Variants in USPL1 observed in about 807,000 individuals in gnomAD.
The protein encoded by USPL1 is SUMO-specific isopeptidase USPL1.
Under a neutral mutation model 51.5 loss-of-function variants are expected in USPL1, and 27 were observed. That is an observed-to-expected ratio of 0.52 (90% confidence interval 0.39 to 0.72). The LOEUF (loss-of-function observed/expected upper bound fraction) is 0.72, where lower values mean the gene tolerates loss of function less well. USPL1 is among the 30% of genes least tolerant of loss of function. USPL1 has a pLI of 0.00. For missense variants in USPL1, 1,226 were observed against 1,268.0 expected (o/e 0.97, Z 0.50); for synonymous variants, 451 against 459.6 (o/e 0.98, Z 0.24).
At chr13:30,647,473 A>G (rs879408379) in intron 7 of USPL1, among the ~76,000 whole-genome samples, 4 of 152,144 alleles carry the variant, frequency 2.6e-5, no homozygotes, top group Non-Finnish European at 5.9e-5. Context: ...AGATCTCAGC[A>G]TGCTAATTCC....
rs869216850 is a variant in USPL1, at chr13:30,639,244, A to ATATG, written c.982+1388_982+1389insATGT. Among the ~76,000 whole-genome samples the ATATG allele has an allele frequency of 5.4e-4, 80 of 148,324 alleles. No individual in the cohort carries two copies. The South Asian group carries it at 5.8e-3, about 11-fold the overall frequency. On this transcript the variant is annotated intron_variant, in intron 5 of 8. Coordinates refer to ENST00000255304, the MANE Select transcript of USPL1 (RefSeq NM_005800.5). ...AATGTATATATATATATATATATAT[A>ATATG]TGTGTGTATGTGTGTGTATGTGCGT...
At chr13:30,649,491 T>C (rs1951060914) in intron 7 of USPL1, among the ~76,000 whole-genome samples, 1 of 152,234 alleles carries the variant, frequency 6.6e-6, no homozygotes, top group African/African-American at 2.4e-5. Context: ...TGTCTCCCCA[T>C]TGGGAAAAGA....
At chr13:30,630,041 A>G (rs1434985550) in intron 3 of USPL1, among the ~76,000 whole-genome samples, 2 of 152,004 alleles carry the variant, frequency 1.3e-5, no homozygotes, top group Admixed American at 1.3e-4. Flanking sequence ...GAGTGGGGCA[A>G]TCATAGCTCA....
intron 3 of USPL1, among the ~76,000 whole-genome samples, chr13:30,626,350 C>G (rs1366077914): frequency 6.9e-6 from 1 of 144,538 alleles, no homozygotes; most frequent in African/African-American, 2.5e-5. Context: ...ATAAATAAAT[C>G]AAAAGAAGAA....
At position 30,631,224 on chromosome 13, in the gene USPL1, T is replaced by G; in HGVS notation, c.618T>G (p.Cys206Trp). The G allele has an allele frequency of 6.2e-7, 1 of 1,614,188 alleles. No homozygotes were observed. The highest frequency in any genetic ancestry group is 8.5e-7 in the Non-Finnish European group (1 of 1,180,036). The change falls in exon 4 of 9, where the codon TGT (cysteine) becomes TGG (tryptophan). Residue 206 changes from cysteine (C) to tryptophan (W), a missense_variant. Coordinates refer to ENST00000255304, the MANE Select transcript of USPL1 (RefSeq NM_005800.5). ...TGRPSPQNEG[C>W]TSKLEMPLES... ...GACCTTCCCCTCAAAATGAAGGATGTACATCTAAACTGGAAATGCCACTGG... is the reference window on the plus strand; with the variant it reads ...GACCTTCCCCTCAAAATGAAGGATGGACATCTAAACTGGAAATGCCACTGG...
intron 5 of USPL1, among the ~76,000 whole-genome samples, chr13:30,639,659 G>A (rs1480520397): frequency 1.3e-5 from 2 of 152,038 alleles, no homozygotes; most frequent in Non-Finnish European, 2.9e-5. Context: ...TCAAGATATA[G>A]GACTCTGTCA....
intron 1 of USPL1, among the ~76,000 whole-genome samples, chr13:30,618,486 G>A (rs1280644798): frequency 6.6e-6 from 1 of 151,916 alleles, no homozygotes; most frequent in East Asian, 1.9e-4. Context: ...TTCACGTGCC[G>A]AGCCTACTCG....
chr13:30,631,611 C>G, intron 4 of USPL1, 137 bp downstream of exon 4: 2 of 774,482 alleles, frequency 2.6e-6, no homozygotes, highest in South Asian at 3.9e-5. Flanking sequence ...GGTGGGCCTC[C>G]CACCTCAGTC....
chr13:30,628,635 G>A (rs565454328), intron 3 of USPL1, among the ~76,000 whole-genome samples: 27 of 152,242 alleles, frequency 1.8e-4, no homozygotes, highest in African/African-American at 6.5e-4. Flanking sequence ...GAGAACATGC[G>A]GTGTTTGGTT....
In USPL1 at chr13:30,659,454, C is replaced by A; in HGVS notation, c.*98C>A. The stretch of plus-strand genomic sequence containing the variant: ...TTTATACACTGGACTTGTGTAATTA[C>A]TTGTGTAATAACCATGAACAAAATG... On this transcript the variant is annotated 3_prime_UTR_variant, in exon 9 of 9. Transcript: ENST00000255304. The A allele has an allele frequency of 9.0e-7, 1 of 1,110,410 alleles. No homozygotes were observed. The highest frequency in any genetic ancestry group is 1.2e-6 in the Non-Finnish European group (1 of 809,914). The allele number at this position is 1,110,410 out of a possible 1,614,324, so 68.8% of individuals were successfully genotyped here. A position where few individuals can be genotyped will look rare whatever the true frequency, so the allele number is the denominator to read the frequency against.
rs772490452 is a variant in USPL1, at chr13:30,659,385, ATATT to A, written c.*34_*37del. 77 of 1,473,878 alleles carry A rather than the reference ATATT, an allele frequency of 5.2e-5. No homozygotes were observed. The highest frequency in any genetic ancestry group is 1.1e-4 in the South Asian group (8 of 71,404). The allele number at this position is 1,473,878 out of a possible 1,614,324, so 91.3% of individuals were successfully genotyped here. A position where few individuals can be genotyped will look rare whatever the true frequency, so the allele number is the denominator to read the frequency against. ...AATGCTTGTTAACTTTTTTCATATA[ATATT>A]TATTATTATTAGAAGAACTTACAAT... On this transcript the variant is annotated 3_prime_UTR_variant, in exon 9 of 9. Coordinates refer to ENST00000255304, the MANE Select transcript of USPL1 (RefSeq NM_005800.5).
chr13:30,640,999 G>A (rs1262954650), intron 5 of USPL1, among the ~76,000 whole-genome samples: 3 of 152,180 alleles, frequency 2.0e-5, no homozygotes, highest in Admixed American at 6.5e-5. Flanking sequence ...TAAATATGTA[G>A]GCTGGTGTTC....
chr13:30,645,422 A>G (rs965752859), intron 6 of USPL1, among the ~76,000 whole-genome samples: 5 of 152,188 alleles, frequency 3.3e-5, no homozygotes, highest in African/African-American at 1.2e-4. Flanking sequence ...TGAATGCAAG[A>G]TGTTAAATGC....
chr13:30,657,253 GGATAAATTAGGT>G (rs1951176194), intron 8 of USPL1, among the ~76,000 whole-genome samples: 1 of 152,078 alleles, frequency 6.6e-6, no homozygotes, highest in East Asian at 1.9e-4. Context: ...TGATGTTATT[GGATAAATTAGGT>G]GATAACCAAA....
At chr13:30,650,699 A>G (rs748550875) in intron 7 of USPL1, among the ~76,000 whole-genome samples, 1 of 152,132 alleles carries the variant, frequency 6.6e-6, no homozygotes, top group Non-Finnish European at 1.5e-5. Context: ...GGCATTTGGA[A>G]CTTACAAAGT....
Position 30,658,372 on chromosome 13 carries a change from C to G in USPL1, c.2295C>G (p.Ser765Arg). 1 of 1,613,640 alleles carries G rather than the reference C, an allele frequency of 6.2e-7. No homozygotes were observed. The highest frequency in any genetic ancestry group is 8.5e-7 in the Non-Finnish European group (1 of 1,180,004). ...GAAGTTGGGTTAAAGGCTTAATAAG[C>G]AGGGGTGCTTCTTTTATGCCACTCT... ...FVGSWVKGLI[S>R]RGASFMPLCV... Residue 765 changes from serine (S) to arginine (R), a missense_variant, in exon 9 of 9, where the codon AGC becomes AGG. By Grantham distance (110) the Ser-to-Arg change is moderately radical. Transcript: ENST00000255304.
chr13:30,646,582 C>A (rs562577996), intron 6 of USPL1, among the ~76,000 whole-genome samples: 1 of 152,198 alleles, frequency 6.6e-6, no homozygotes, highest in Non-Finnish European at 1.5e-5. Context: ...AACTGGATGC[C>A]GTTACTGGCA....
rs201961890 is a variant in USPL1 at position 30,657,966 on chromosome 13, C to T, written c.1889C>T (p.Ser630Leu). The stretch of plus-strand genomic sequence containing the variant: ...ACCAATACTTTGCTATCACAAGAAT[C>T]ACTAATGGCTTCTTCAGTATCAGCT... ...LKTNTLLSQE[S>L]LMASSVSAPC... Residue 630 changes from serine (S) to leucine (L), a missense_variant, in exon 9 of 9, where the codon TCA (serine) becomes TTA (leucine). Physicochemically the swap from Ser to Leu is moderately radical, Grantham distance 145 (BLOSUM62 -2). Transcript: ENST00000255304. 2 of 1,613,616 alleles carry T rather than the reference C, an allele frequency of 1.2e-6. No homozygotes were observed. The highest frequency in any genetic ancestry group is 3.3e-5 in the Admixed American group (2 of 60,030).
rs1417386329 is a variant in USPL1 at position 30,658,163 on chromosome 13, A to G, written c.2086A>G (p.Ile696Val). Reference sequence around the variant, plus strand: ...TATACAGGGAGTGAAGTCAGTAGAAATTGAGAAGGACGCTCAGTTAAAACA... The same window carrying G: ...TATACAGGGAGTGAAGTCAGTAGAAGTTGAGAAGGACGCTCAGTTAAAACA... The part of the protein sequence containing the change: ...GLIQGVKSVE[I>V]EKDAQLKQFL... Residue 696 changes from isoleucine (I) to valine (V), a missense_variant, in exon 9 of 9, where the codon ATT (isoleucine) becomes GTT (valine). Ile to Val is a conservative substitution (Grantham distance 29). Coordinates refer to ENST00000255304, the MANE Select transcript of USPL1 (RefSeq NM_005800.5). 8.7e-6 allele frequency: 14 copies of G among 1,613,118 alleles called. No homozygotes were observed. The highest frequency in any genetic ancestry group is 1.2e-5 in the Non-Finnish European group (14 of 1,179,858).
Sources: gnomAD v4.1 joint callset for allele counts (sites outside exome capture counted in the v4.1 genomes callset) on GRCh38, gnomAD v4.1.1 for gene constraint, MANE v1.5 for transcripts, NCBI Gene and HGNC (gene_info 2026-07-23, HGNC 2026-07-21) for gene names.